Variants in LRRFIP2 observed in about 807,000 individuals in gnomAD.
LRRFIP2 encodes LRR binding FLII interacting protein 2, also known as leucine-rich repeat flightless-interacting protein 2.
In LRRFIP2, 109 loss-of-function variants were observed where a neutral mutation model predicts 125.9. The ratio of observed to expected loss-of-function variants is 0.87; its 90% CI spans 0.74 to 1.01. LRRFIP2 has a LOEUF of 1.01. Ranked by LOEUF, LRRFIP2 falls within the 50% of genes least tolerant of loss-of-function variation. The pLI is 0.00. For synonymous variants in LRRFIP2, 291 were observed against 293.1 expected (o/e 0.99, Z 0.07); for missense variants, 850 against 862.3 (o/e 0.99, Z 0.18).
chr3:37,092,162 A>G (rs917892728), intron 17 of LRRFIP2, among the ~76,000 whole-genome samples: 2 of 152,216 alleles, frequency 1.3e-5, no homozygotes, highest in African/African-American at 4.8e-5. Context: ...CACTTGCTCC[A>G]AATGTTACTA....
chr3:37,161,596 C>A (rs1260723378), intron 1 of LRRFIP2, among the ~76,000 whole-genome samples: 3 of 151,910 alleles, frequency 2.0e-5, no homozygotes, highest in African/African-American at 7.3e-5. Context: ...TATGAAGTTT[C>A]CTTGTAGGGG....
chr3:37,098,536 C>T (rs2093850490), intron 15 of LRRFIP2, among the ~76,000 whole-genome samples: 1 of 151,706 alleles, frequency 6.6e-6, no homozygotes, highest in Non-Finnish European at 1.5e-5. Context: ...TTACAGGCAC[C>T]CGCCATCACG....
intron 20 of LRRFIP2, among the ~76,000 whole-genome samples, chr3:37,074,527 G>A (rs568622429): frequency 6.6e-6 from 1 of 152,280 alleles, no homozygotes; most frequent in African/African-American, 2.4e-5. Context: ...CTAAGATGTT[G>A]CCAGCAATGT....
intron 1 of LRRFIP2, among the ~76,000 whole-genome samples, chr3:37,161,226 C>T (rs1165969420): frequency 1.4e-5 from 2 of 144,244 alleles, no homozygotes; most frequent in East Asian, 4.0e-4. Flanking sequence ...CACGGTGGGA[C>T]ACATCTGTAA....
chr3:37,113,859 T>C (rs2094650910), intron 7 of LRRFIP2, among the ~76,000 whole-genome samples: 1 of 152,166 alleles, frequency 6.6e-6, no homozygotes, highest in South Asian at 2.1e-4. Context: ...AAGACAGGAT[T>C]GTCTCAATAC....
intron 4 of LRRFIP2, 54 bp downstream of exon 4, chr3:37,127,576 C>G (rs1360122728): frequency 6.4e-7 from 1 of 1,557,480 alleles, no homozygotes; most frequent in Non-Finnish European, 8.9e-7. Flanking sequence ...TACTTCAAGA[C>G]TGCATTATTT....
chr3:37,057,945 A>T (rs989027570), intron 25 of LRRFIP2, among the ~76,000 whole-genome samples: 2 of 152,208 alleles, frequency 1.3e-5, no homozygotes, highest in Non-Finnish European at 2.9e-5. Context: ...GGGTAAAATG[A>T]ATAGAATAGA....
In LRRFIP2 at chr3:37,127,681, C is replaced by A. The variant is rs1260636282; in HGVS notation, c.178-1G>T. 1.2e-6 allele frequency: 2 copies of A among 1,613,598 alleles called. No individual in the cohort carries two copies. The highest frequency in any genetic ancestry group is 1.7e-6 in the Non-Finnish European group (2 of 1,179,606). On this transcript the variant is annotated splice_acceptor_variant, in intron 3 of 27. Coordinates refer to ENST00000336686, the MANE Select transcript of LRRFIP2 (RefSeq NM_006309.4). LOFTEE classifies it high-confidence loss of function. ...TCCGATCAAAGGAATGAAGAGAGTA[C>A]TAGAAATGCAAAAATTTCATAAACC...
intron 15 of LRRFIP2, among the ~76,000 whole-genome samples, chr3:37,101,719 C>T (rs1210633549): frequency 6.6e-6 from 1 of 151,270 alleles, no homozygotes. Flanking sequence ...AATGCCACCT[C>T]TCACCCCCTC....
At chr3:37,077,540 T>C (rs988589700) in intron 19 of LRRFIP2, among the ~76,000 whole-genome samples, 1 of 152,198 alleles carries the variant, frequency 6.6e-6, no homozygotes, top group African/African-American at 2.4e-5. Context: ...ACCTAATTTA[T>C]CTTCTTGGAT....
intron 1 of LRRFIP2, among the ~76,000 whole-genome samples, chr3:37,154,027 T>G (rs1202069432): frequency 1.0e-5 from 1 of 100,164 alleles, no homozygotes; most frequent in East Asian, 2.1e-4. Context: ...AAAAAAAAAT[T>G]ATCCAGACAT....
chr3:37,058,194 C>T (rs1372995341), intron 25 of LRRFIP2, among the ~76,000 whole-genome samples: 1 of 152,154 alleles, frequency 6.6e-6, no homozygotes, highest in Non-Finnish European at 1.5e-5. Context: ...TGTCAAAAGG[C>T]ATTTCACTGT....
chr3:37,061,408 CT>C (rs759985322), intron 24 of LRRFIP2, among the ~76,000 whole-genome samples: 320 of 138,542 alleles, frequency 2.3e-3, no homozygotes, highest in Middle Eastern at 3.7e-3. Flanking sequence ...TTCTTTTTTC[CT>C]TTTTTTTTTT....
chr3:37,097,036 T>G (rs2093753509), intron 15 of LRRFIP2, among the ~76,000 whole-genome samples: 1 of 151,998 alleles, frequency 6.6e-6, no homozygotes, highest in East Asian at 1.9e-4. Context: ...AGCGAAAAAC[T>G]TTTATTTCTA....
At chr3:37,155,965 C>A (rs1452203199) in intron 1 of LRRFIP2, among the ~76,000 whole-genome samples, 1 of 152,150 alleles carries the variant, frequency 6.6e-6, no homozygotes, top group East Asian at 1.9e-4. Flanking sequence ...ACCTCGGCCT[C>A]CCAGGCTCAG....
chr3:37,161,515 CAG>C (rs2096344420), intron 1 of LRRFIP2, among the ~76,000 whole-genome samples: 1 of 151,972 alleles, frequency 6.6e-6, no homozygotes, highest in African/African-American at 2.4e-5. Flanking sequence ...TCCATAGGGA[CAG>C]AAAGTATAAC....
At chr3:37,117,382 A>C (rs1161542853) in intron 6 of LRRFIP2, among the ~76,000 whole-genome samples, 1 of 152,130 alleles carries the variant, frequency 6.6e-6, no homozygotes, top group Non-Finnish European at 1.5e-5. Flanking sequence ...AAAATGTTGA[A>C]TCTATCTGGT....
chr3:37,153,555 C>G (rs1429581335), intron 1 of LRRFIP2, among the ~76,000 whole-genome samples: 1 of 152,142 alleles, frequency 6.6e-6, no homozygotes, highest in Non-Finnish European at 1.5e-5. Flanking sequence ...TTTTCTTTCT[C>G]CTCTACCCCC....
intron 19 of LRRFIP2, among the ~76,000 whole-genome samples, chr3:37,078,698 A>G (rs1443451842): frequency 6.6e-6 from 1 of 152,206 alleles, no homozygotes; most frequent in African/African-American, 2.4e-5. Flanking sequence ...GGCAATGAGC[A>G]TCTCTAGCAC....
Sources: gnomAD v4.1 joint callset for allele counts (sites outside exome capture counted in the v4.1 genomes callset) on GRCh38, gnomAD v4.1.1 for gene constraint, MANE v1.5 for transcripts, NCBI Gene and HGNC (gene_info 2026-07-23, HGNC 2026-07-21) for gene names.